The following SHANK2 variants were observed in gnomAD, a reference collection of about 807,000 sequenced individuals.
SHANK2 encodes the protein SH3 and multiple ankyrin repeat domains protein 2.
In SHANK2, 43 loss-of-function variants were observed where a neutral mutation model predicts 133.7. The ratio of observed to expected loss-of-function variants is 0.32; its 90% CI spans 0.25 to 0.41. The LOEUF is 0.41. Among genes scored for constraint, SHANK2 ranks in the 10% least tolerant of loss-of-function variants. The pLI is 1.00. For synonymous variants in SHANK2, 1,017 were observed against 952.8 expected (o/e 1.07, Z -1.24); for missense variants, 1,994 against 2,235.8 (o/e 0.89, Z 2.18).
chr11:70,867,863 C>T (rs555426726), intron 11 of SHANK2, among the ~76,000 whole-genome samples: 29 of 152,366 alleles, frequency 1.9e-4, no homozygotes, highest in Admixed American at 5.9e-4. Flanking sequence ...GGCCGGCCCC[C>T]GCCTCCCGCC....
At chr11:70,815,175 A>AC (rs1948363761) in intron 12 of SHANK2, among the ~76,000 whole-genome samples, 9 of 119,648 alleles carry the variant, frequency 7.5e-5, no homozygotes, top group African/African-American at 2.8e-4. Flanking sequence ...TGGGAGAAGA[A>AC]ACACACACAC....
intron 10 of SHANK2, among the ~76,000 whole-genome samples, chr11:70,932,200 G>A (rs1238463183): frequency 6.6e-6 from 1 of 152,210 alleles, no homozygotes; most frequent in Non-Finnish European, 1.5e-5. Flanking sequence ...CACCCCTTGG[G>A]GAAATCTGAA....
At chr11:70,944,535 C>T (rs1203836897) in intron 10 of SHANK2, among the ~76,000 whole-genome samples, 1 of 152,230 alleles carries the variant, frequency 6.6e-6, no homozygotes, top group Non-Finnish European at 1.5e-5. Context: ...AAGGATTTTC[C>T]CACTGCGCTT....
At chr11:70,666,997 G>A (rs1555014974) in intron 15 of SHANK2, among the ~76,000 whole-genome samples, 3 of 152,042 alleles carry the variant, frequency 2.0e-5, no homozygotes, top group Admixed American at 6.6e-5. Flanking sequence ...GAAGGTGAAG[G>A]GGGTGGGCAA....
At chr11:70,596,497 G>T (rs1197484466) in intron 17 of SHANK2, among the ~76,000 whole-genome samples, 1 of 152,218 alleles carries the variant, frequency 6.6e-6, no homozygotes, top group African/African-American at 2.4e-5. Flanking sequence ...TCAGGGTCCT[G>T]GTCTGGGACC....
intron 3 of SHANK2, among the ~76,000 whole-genome samples, chr11:71,144,492 G>A (rs1389536478): frequency 9.8e-5 from 15 of 152,294 alleles, no homozygotes; most frequent in Admixed American, 3.9e-4. Flanking sequence ...CTGAATGTCT[G>A]TATGGATCAG....
At chr11:71,135,318 G>A (rs1197650924) in intron 3 of SHANK2, among the ~76,000 whole-genome samples, 1 of 152,156 alleles carries the variant, frequency 6.6e-6, no homozygotes, top group Non-Finnish European at 1.5e-5. Context: ...AGGTGTCCTT[G>A]TGGAGCGGAA....
intron 15 of SHANK2, among the ~76,000 whole-genome samples, chr11:70,690,324 C>T (rs1430512567): frequency 6.6e-6 from 1 of 151,746 alleles, no homozygotes; most frequent in Admixed American, 6.6e-5. Context: ...AAATCATGAT[C>T]CTAATATTAA....
chr11:71,244,815 T>G (rs1185816678), intron 1 of SHANK2, among the ~76,000 whole-genome samples: 1 of 152,114 alleles, frequency 6.6e-6, no homozygotes, highest in African/African-American at 2.4e-5. Flanking sequence ...TGATCTCTTG[T>G]GCCTTAGCCT....
chr11:70,515,648 A>AC (rs1554969879), intron 17 of SHANK2, among the ~76,000 whole-genome samples: 6 of 150,770 alleles, frequency 4.0e-5, no homozygotes, highest in Admixed American at 2.6e-4. Flanking sequence ...AAAAAAAAAA[A>AC]AAAAAAAAAA....
At chr11:70,771,993 G>A (rs1275200752) in intron 14 of SHANK2, among the ~76,000 whole-genome samples, 2 of 152,148 alleles carry the variant, frequency 1.3e-5, no homozygotes, top group African/African-American at 2.4e-5. Flanking sequence ...GGATGAGGAC[G>A]GCTCAAGTCA....
intron 11 of SHANK2, among the ~76,000 whole-genome samples, chr11:70,855,081 A>G (rs1188493019): frequency 5.3e-5 from 8 of 152,248 alleles, no homozygotes; most frequent in African/African-American, 1.9e-4. Flanking sequence ...AAGAAGGGAC[A>G]GCCATTTGGC....
At chr11:71,063,373 C>T (rs1400483873) in intron 9 of SHANK2, among the ~76,000 whole-genome samples, 1 of 152,188 alleles carries the variant, frequency 6.6e-6, no homozygotes, top group African/African-American at 2.4e-5. Flanking sequence ...ACATGGTTCA[C>T]TTGGCTTAAT....
intron 14 of SHANK2, among the ~76,000 whole-genome samples, chr11:70,778,169 A>C (rs766830136): frequency 1.4e-4 from 22 of 152,212 alleles, no homozygotes; most frequent in Non-Finnish European, 2.6e-4. Context: ...ATGGACTCTG[A>C]TGTTTGCCTT....
At chr11:71,071,072 G>A (rs948909375) in intron 9 of SHANK2, among the ~76,000 whole-genome samples, 23 of 152,150 alleles carry the variant, frequency 1.5e-4, no homozygotes, top group Non-Finnish European at 2.9e-4. Context: ...TATTTCAAGT[G>A]ACAAAAAACA....
intron 10 of SHANK2, among the ~76,000 whole-genome samples, chr11:70,928,280 G>A (rs1950456591): frequency 6.6e-6 from 1 of 152,152 alleles, no homozygotes; most frequent in African/African-American, 2.4e-5. Context: ...GTCTAGAAGG[G>A]AAAGAAAGGC....
chr11:70,922,149 A>C (rs1055896212), intron 10 of SHANK2, among the ~76,000 whole-genome samples: 3 of 152,244 alleles, frequency 2.0e-5, no homozygotes, highest in Admixed American at 2.0e-4. Context: ...TAAGGACCTC[A>C]AAGGTAGGCT....
At chr11:70,570,024 C>T (rs929126502) in intron 17 of SHANK2, among the ~76,000 whole-genome samples, 1 of 152,078 alleles carries the variant, frequency 6.6e-6, no homozygotes, top group African/African-American at 2.4e-5. Context: ...TGAGTCTCCC[C>T]CTGCACATTA....
chr11:70,480,580 C>T (rs903700153), intron 25 of SHANK2, among the ~76,000 whole-genome samples: 1 of 152,268 alleles, frequency 6.6e-6, no homozygotes, highest in East Asian at 1.9e-4. Flanking sequence ...TTGAGCTCCC[C>T]AAAGGGAGGG....
Sources: gnomAD v4.1 joint callset for allele counts (sites outside exome capture counted in the v4.1 genomes callset) on GRCh38, gnomAD v4.1.1 for gene constraint, MANE v1.5 for transcripts, NCBI Gene and HGNC (gene_info 2026-07-23, HGNC 2026-07-21) for gene names.